KCNIP1: variants seen among roughly 807,000 people sequenced by gnomAD.
The protein encoded by KCNIP1 is potassium voltage-gated channel interacting protein 1, also known as A-type potassium channel modulatory protein KCNIP1.
KCNIP1 carries 18 observed loss-of-function variants against 33.0 expected under a neutral mutation model. The observed-to-expected ratio is 0.55, with a 90% CI of 0.38 to 0.81. The LOEUF (loss-of-function observed/expected upper bound fraction) is 0.81. Ranked by LOEUF, KCNIP1 falls within the 30% of genes least tolerant of loss-of-function variation. The pLI, the probability that KCNIP1 is intolerant of heterozygous loss-of-function variation, is 0.00. For synonymous variants in KCNIP1, 93 were observed against 98.3 expected (o/e 0.95, Z 0.32); for missense variants, 238 against 271.6 (o/e 0.88, Z 0.87).
chr5:170,651,149 G>A (rs954744350), intron 1 of KCNIP1, among the ~76,000 whole-genome samples: 1 of 152,152 alleles, frequency 6.6e-6, no homozygotes, highest in African/African-American at 2.4e-5. Context: ...GTCTCATGGC[G>A]ACAACTCTGG....
At chr5:170,719,777 T>C (rs1763755300) in intron 2 of KCNIP1, among the ~76,000 whole-genome samples, 1 of 152,222 alleles carries the variant, frequency 6.6e-6, no homozygotes, top group African/African-American at 2.4e-5. Flanking sequence ...AAGTGCCCAG[T>C]TTCCTACCAT....
intron 1 of KCNIP1, among the ~76,000 whole-genome samples, chr5:170,430,117 C>A (rs1277816446): frequency 6.6e-6 from 1 of 152,216 alleles, no homozygotes; most frequent in Non-Finnish European, 1.5e-5. Flanking sequence ...ACTTCAGCGA[C>A]CCTGCTCACC....
chr5:170,400,653 TC>T (rs1408352437), intron 1 of KCNIP1, among the ~76,000 whole-genome samples: 1 of 152,240 alleles, frequency 6.6e-6, no homozygotes, highest in Non-Finnish European at 1.5e-5. Context: ...TCTCATTTGA[TC>T]CTGACCCTTT....
intron 1 of KCNIP1, among the ~76,000 whole-genome samples, chr5:170,666,235 T>C (rs184369711): frequency 1.5e-3 from 225 of 152,360 alleles, no homozygotes; most frequent in Non-Finnish European, 2.0e-3. Flanking sequence ...TTACTTCTTT[T>C]CTTGCTCAAA....
At chr5:170,503,724 T>TCACACACACACACACACACACA (rs70979180), upstream of KCNIP1, among the ~76,000 whole-genome samples, 8 of 136,474 alleles carry the variant, frequency 5.9e-5, no homozygotes, top group African/African-American at 2.2e-4. Context: ...CGCACGCACA[T>TCACACACACACACACACACACA]CACACACACA....
chr5:170,562,887 T>G (rs1280807559), intron 1 of KCNIP1, among the ~76,000 whole-genome samples: 1 of 152,200 alleles, frequency 6.6e-6, no homozygotes, highest in Non-Finnish European at 1.5e-5. Flanking sequence ...CCTGTAGCTG[T>G]CTGCAGTCTC....
chr5:170,485,167 C>T (rs1413868242), intron 1 of KCNIP1, among the ~76,000 whole-genome samples: 9 of 152,028 alleles, frequency 5.9e-5, no homozygotes, highest in African/African-American at 2.4e-5. Flanking sequence ...CTCAAGCTCC[C>T]GACCTCAGGT....
At chr5:170,675,303 A>AT (rs1554110250) in intron 1 of KCNIP1, among the ~76,000 whole-genome samples, 3 of 151,262 alleles carry the variant, frequency 2.0e-5, no homozygotes, top group East Asian at 1.9e-4. Context: ...TGTCTCAAAA[A>AT]ATATATATAT....
intron 1 of KCNIP1, among the ~76,000 whole-genome samples, chr5:170,717,279 C>T (rs1378950104): frequency 6.6e-6 from 1 of 151,776 alleles, no homozygotes; most frequent in African/African-American, 2.4e-5. Context: ...GAGAATAAGC[C>T]CTTTCATTTA....
chr5:170,561,117 TG>T (rs1757020349), intron 1 of KCNIP1: 2 of 455,902 alleles, frequency 4.4e-6, no homozygotes, highest in Non-Finnish European at 8.8e-6. Flanking sequence ...GTAATTAATG[TG>T]GGCAGTGATA....
At chr5:170,397,569 C>T (rs1218819980) in intron 1 of KCNIP1, among the ~76,000 whole-genome samples, 1 of 152,148 alleles carries the variant, frequency 6.6e-6, no homozygotes, top group African/African-American at 2.4e-5. Flanking sequence ...ATTTGTAAGT[C>T]AAATTTTATG....
rs181274577 is a variant in KCNIP1 at position 170,440,001 on chromosome 5, T to C, written c.88+86037T>C. Among the ~76,000 whole-genome samples, 31 of 152,358 alleles carry C rather than the reference T, an allele frequency of 2.0e-4. No individual in the cohort carries two copies. The East Asian group carries it at 6.0e-3, about 29-fold the overall frequency. ...TGAAGGCAGGACCTTGCAATGGGAC[T>C]GTTCTTGGAGACAGGGCCTTTAAAG... is the stretch of plus-strand genomic sequence containing the variant. On this transcript the variant is annotated intron_variant, in intron 1 of 7. Transcript: ENST00000377360.
At chr5:170,640,604 TC>T (rs1354201231) in intron 1 of KCNIP1, among the ~76,000 whole-genome samples, 1 of 152,102 alleles carries the variant, frequency 6.6e-6, no homozygotes, top group Non-Finnish European at 1.5e-5. Context: ...ACAGCGTCCA[TC>T]CCTCCAAACA....
At chr5:170,498,300 TCTC>T (rs1183138364) in intron 1 of KCNIP1, among the ~76,000 whole-genome samples, 1 of 152,198 alleles carries the variant, frequency 6.6e-6, no homozygotes, top group African/African-American at 2.4e-5. Flanking sequence ...CTGAGATTGT[TCTC>T]CTTGCAAACA....
At chr5:170,656,138 C>G (rs1006809314) in intron 1 of KCNIP1, among the ~76,000 whole-genome samples, 7 of 152,158 alleles carry the variant, frequency 4.6e-5, no homozygotes, top group Non-Finnish European at 1.0e-4. Flanking sequence ...TCTAAGTGCT[C>G]CAAGTCACTG....
intron 1 of KCNIP1, among the ~76,000 whole-genome samples, chr5:170,373,018 A>G (rs1400832992): frequency 1.3e-5 from 2 of 152,232 alleles, no homozygotes; most frequent in African/African-American, 4.8e-5. Context: ...AACGTGGTCC[A>G]GTACTCAGTT....
intron 1 of KCNIP1, among the ~76,000 whole-genome samples, chr5:170,367,391 AAG>A (rs1491562019): frequency 7.7e-6 from 1 of 130,230 alleles, no homozygotes; most frequent in African/African-American, 3.1e-5. Flanking sequence ...GAAAGAAAGA[AAG>A]AAAGAAAGAA....
intron 5 of KCNIP1, among the ~76,000 whole-genome samples, chr5:170,724,924 A>G (rs148275924): frequency 2.5e-4 from 38 of 152,350 alleles, no homozygotes; most frequent in African/African-American, 8.9e-4. Context: ...TGTGATCTCA[A>G]TCAAAATCCC....
At chr5:170,597,309 C>A (rs1373259782) in intron 1 of KCNIP1, among the ~76,000 whole-genome samples, 1 of 152,234 alleles carries the variant, frequency 6.6e-6, no homozygotes, top group South Asian at 2.1e-4. Flanking sequence ...GACTCTCATT[C>A]TCCCGTGCTA....
Sources: allele counts gnomAD v4.1 joint callset (sites outside exome capture counted in the v4.1 genomes callset), GRCh38; gene constraint gnomAD v4.1.1; transcripts MANE v1.5; gene names NCBI Gene and HGNC (gene_info 2026-07-23, HGNC 2026-07-21).